Variants in FBXO25 observed in about 807,000 individuals in gnomAD.
FBXO25 encodes the protein F-box only protein 25.
A neutral mutation model predicts 51.9 loss-of-function variants in FBXO25; 45 were observed. The ratio of observed to expected loss-of-function variants is 0.87; its 90% CI spans 0.68 to 1.11. The LOEUF is 1.11. Among genes scored for constraint, FBXO25 ranks in the 50% most tolerant of loss-of-function variants. The pLI is 0.00. For missense variants in FBXO25, 507 were observed against 428.5 expected (o/e 1.18, Z -1.62); for synonymous variants, 199 against 151.0 (o/e 1.32, Z -2.33).
At chr8:425,010 G>A (rs1397874745) in intron 2 of FBXO25, among the ~76,000 whole-genome samples, 1 of 152,118 alleles carries the variant, frequency 6.6e-6, no homozygotes, top group Admixed American at 6.5e-5. Context: ...ACTGCAAAGA[G>A]TTTTATAAAG....
intron 5 of FBXO25, among the ~76,000 whole-genome samples, chr8:444,716 C>A (rs551308551): frequency 2.3e-4 from 35 of 152,138 alleles, no homozygotes; most frequent in Admixed American, 6.5e-4. Flanking sequence ...CGTGTAGTGT[C>A]GTGGCCACAT....
chr8:464,449 T>C (rs911415815), intron 9 of FBXO25, among the ~76,000 whole-genome samples: 2 of 152,244 alleles, frequency 1.3e-5, no homozygotes, highest in Admixed American at 1.3e-4. Context: ...GTCCTCTGAC[T>C]GTCCCTGGTC....
At position 457,033 on chromosome 8, in the gene FBXO25, G is replaced by C. The variant is rs371987274; in HGVS notation, c.661-1336G>C. Among the ~76,000 whole-genome samples, 115 of 152,264 alleles carry C rather than the reference G, an allele frequency of 7.6e-4. 1 individual carries two copies. Among genetic ancestry groups the C allele is most frequent in the African/African-American group, 2.7e-3 (112 of 41,510 alleles). ...TGGTCACTGTGCTTTGTGTGCAGTA[G>C]GATTATAGAAAGCCACGACACATCA... is the stretch of plus-strand genomic sequence containing the variant. On this transcript the variant is annotated intron_variant, in intron 7 of 9. Transcript: ENST00000350302.
At chr8:413,530 C>T (rs1173192608) in intron 2 of FBXO25, among the ~76,000 whole-genome samples, 2 of 152,002 alleles carry the variant, frequency 1.3e-5, no homozygotes, top group Admixed American at 6.6e-5. Context: ...TGGCATATAT[C>T]AGAAATGTAG....
In FBXO25 at chr8:470,790, A is replaced by T. The variant is rs1421549991; in HGVS notation, c.*1986A>T. The T allele has an allele frequency of 6.6e-6, 1 of 152,182 alleles. No individual in the cohort carries two copies. Among genetic ancestry groups the T allele is most frequent in the African/African-American group, 2.4e-5 (1 of 41,434 alleles). The allele number at this position is 152,182 out of a possible 1,614,324, so 9.4% of individuals were successfully genotyped here. ...GTTGGTGCTGTTTTAATAAGTGAAG[A>T]ATTTGATGTATGATAAATTGTGAGC... On this transcript the variant is annotated 3_prime_UTR_variant, in exon 10 of 10. Transcript: ENST00000350302.
intron 9 of FBXO25, chr8:467,641 CTCTT>C (rs767746178): frequency 2.6e-5 from 37 of 1,408,078 alleles, no homozygotes; most frequent in Non-Finnish European, 3.5e-5. Context: ...TACACTCTGG[CTCTT>C]TCTAATCTTA....
intron 2 of FBXO25, chr8:420,314 G>T (rs1797072469): frequency 6.6e-6 from 1 of 152,190 alleles, no homozygotes; most frequent in Non-Finnish European, 1.5e-5. Context: ...GCCAAGTGCT[G>T]GCAGGAATAT....
chr8:412,888 A>G (rs1347214078), intron 1 of FBXO25, among the ~76,000 whole-genome samples, 185 bp from the exon 2 acceptor site: 6 of 152,170 alleles, frequency 3.9e-5, no homozygotes, highest in Non-Finnish European at 8.8e-5. Context: ...TACTTACCCC[A>G]TTTGATCACT....
At chr8:450,931 C>T (rs147878116) in intron 6 of FBXO25, 1 of 210,790 alleles carries the variant, frequency 4.7e-6, no homozygotes, top group Non-Finnish European at 9.3e-6. Flanking sequence ...TCCTCCCCAC[C>T]AGCCCCTGGT....
At chr8:420,755 T>G (rs1211246094) in intron 2 of FBXO25, among the ~76,000 whole-genome samples, 1 of 152,138 alleles carries the variant, frequency 6.6e-6, no homozygotes, top group Non-Finnish European at 1.5e-5. Context: ...GACGAACAAA[T>G]CAGTGGTTGC....
At chr8:430,022 C>G (rs546166246) in intron 2 of FBXO25, among the ~76,000 whole-genome samples, 1 of 152,330 alleles carries the variant, frequency 6.6e-6, no homozygotes, top group East Asian at 1.9e-4. Flanking sequence ...CTTTTCTGTC[C>G]CATGCTCACA....
At chr8:410,821 G>A (rs1437856396) in intron 1 of FBXO25, among the ~76,000 whole-genome samples, 1 of 152,168 alleles carries the variant, frequency 6.6e-6, no homozygotes, top group African/African-American at 2.4e-5. Flanking sequence ...GACTGAAAAA[G>A]ACATGTTCTG....
chr8:462,281 TTAGA>T (rs1799865164), intron 8 of FBXO25, among the ~76,000 whole-genome samples: 1 of 152,384 alleles, frequency 6.6e-6, no homozygotes, highest in South Asian at 2.1e-4. Context: ...TGAGACTTAT[TTAGA>T]TAAATGTCTT....
In FBXO25 at chr8:474,012, T is replaced by G. The variant is rs1800566784; in HGVS notation, c.*5208T>G. The stretch of plus-strand genomic sequence containing the variant: ...AGTGGCATTAAATACATTCATACTG[T>G]GCAACCTTCTCTACCACGTATCCAC... On this transcript the variant is annotated 3_prime_UTR_variant, in exon 10 of 10. Transcript: ENST00000350302. 6.6e-6 allele frequency: 1 copy of G among 152,276 alleles called. No individual in the cohort carries two copies. The allele number at this position is 152,276 out of a possible 1,614,324, so 9.4% of individuals were successfully genotyped here.
At chr8:443,784 C>G (rs1191174176) in intron 5 of FBXO25, among the ~76,000 whole-genome samples, 3 of 151,898 alleles carry the variant, frequency 2.0e-5, no homozygotes, top group Non-Finnish European at 4.4e-5. Flanking sequence ...ACTACAAAGT[C>G]TGCTTGGTTC....
At chr8:468,552 G>A (rs371512137) in intron 9 of FBXO25, among the ~76,000 whole-genome samples, 163 bp from the exon 10 acceptor site, 19 of 151,984 alleles carry the variant, frequency 1.3e-4, no homozygotes, top group African/African-American at 4.1e-4. Context: ...AATCGGCTGC[G>A]GCTGCCCTTG....
chr8:433,321 A>G (rs1797924488), intron 4 of FBXO25, among the ~76,000 whole-genome samples: 1 of 152,142 alleles, frequency 6.6e-6, no homozygotes, highest in Non-Finnish European at 1.5e-5. Flanking sequence ...CTACCTGTAC[A>G]TATCTGAGTC....
In FBXO25 at chr8:412,817, G is replaced by C. The variant is rs1483753045; in HGVS notation, c.-7-256G>C. Among the ~76,000 whole-genome samples the C allele has an allele frequency of 2.6e-5, 4 of 152,156 alleles. No individual in the cohort carries two copies. The East Asian group carries it at 7.7e-4, about 29-fold the overall frequency. ...CTGCTTGTTTTTCAGGTATGAGCTAGAATGTCACCTCTGGTAAACCTTTCA... is the reference window on the plus strand; with the variant it reads ...CTGCTTGTTTTTCAGGTATGAGCTACAATGTCACCTCTGGTAAACCTTTCA... On this transcript the variant is annotated intron_variant, in intron 1 of 9. Transcript: ENST00000350302.
intron 5 of FBXO25, among the ~76,000 whole-genome samples, chr8:439,080 C>T (rs996891571): frequency 1.3e-5 from 2 of 152,224 alleles, no homozygotes; most frequent in Admixed American, 6.5e-5. Flanking sequence ...CCCAGGACAG[C>T]TGTAAACACA....
Sources: gnomAD v4.1 joint callset for allele counts (sites outside exome capture counted in the v4.1 genomes callset) on GRCh38, gnomAD v4.1.1 for gene constraint, MANE v1.5 for transcripts, NCBI Gene and HGNC (gene_info 2026-07-23, HGNC 2026-07-21) for gene names.